CGNL1: variants seen among roughly 807,000 people sequenced by gnomAD.
The protein encoded by CGNL1 is cingulin-like protein 1.
CGNL1 carries 132 observed loss-of-function variants against 141.2 expected under a neutral mutation model. The observed-to-expected ratio is 0.93, with a 90% CI of 0.81 to 1.08. The LOEUF is 1.08. CGNL1 is among the 50% of genes least tolerant of loss of function. The pLI, the probability that CGNL1 is intolerant of heterozygous loss-of-function variation, is 0.00. For missense variants in CGNL1, 1,870 were observed against 1,588.6 expected, an observed-to-expected ratio of 1.18 and a Z score of -3.01; for synonymous variants, 690 against 622.1, an observed-to-expected ratio of 1.11 and a Z score of -1.63.
rs115499994 is a variant in CGNL1, at chr15:57,485,921, C to T, written c.2403+24029C>T. Among the ~76,000 whole-genome samples the T allele has an allele frequency of 9.0e-4, 137 of 152,294 alleles. 1 individual carries two copies. The highest frequency in any genetic ancestry group is 3.2e-3 in the African/African-American group (131 of 41,556). ...ATTTCTTTCTTCTGGTGCCCAGTCT[C>T]ACTAACCTCTCCTAATAGTCTAGCA... On this transcript the variant is annotated intron_variant, in intron 8 of 18. Coordinates refer to ENST00000281282, the MANE Select transcript of CGNL1 (RefSeq NM_032866.5).
chr15:57,440,086 AAAT>A (rs2063166015), intron 2 of CGNL1, among the ~76,000 whole-genome samples: 2 of 149,396 alleles, frequency 1.3e-5, no homozygotes, highest in African/African-American at 4.9e-5. Context: ...TAACAATAAA[AAAT>A]AATGATATTG....
At chr15:57,535,509 G>A (rs1346602497) in intron 14 of CGNL1, among the ~76,000 whole-genome samples, 1 of 152,186 alleles carries the variant, frequency 6.6e-6, no homozygotes, top group African/African-American at 2.4e-5. Flanking sequence ...AAACCAAGGG[G>A]ATTGGGAATG....
rs148664687 is a variant in CGNL1 at position 57,424,387 on chromosome 15, A to G, written c.-15-13598A>G. Among the ~76,000 whole-genome samples, 4 of 152,182 alleles carry G rather than the reference A, an allele frequency of 2.6e-5. No homozygotes were observed. In the East Asian group the frequency reaches 7.7e-4, roughly 29 times the overall value. On this transcript the variant is annotated intron_variant, in intron 1 of 18. Coordinates refer to ENST00000281282, the MANE Select transcript of CGNL1 (RefSeq NM_032866.5). Reference sequence around the variant, plus strand: ...CCCCAGTTCATTTTCTTACCATGCTATGTGAGTTTCTTATTCATCCTCACT... The same window carrying G: ...CCCCAGTTCATTTTCTTACCATGCTGTGTGAGTTTCTTATTCATCCTCACT...
intron 1 of CGNL1, among the ~76,000 whole-genome samples, chr15:57,400,717 T>C (rs2062650772): frequency 6.6e-6 from 1 of 151,860 alleles, no homozygotes; most frequent in African/African-American, 2.4e-5. Flanking sequence ...ACCCTGTCTC[T>C]ACTAAAAATA....
intron 8 of CGNL1, among the ~76,000 whole-genome samples, chr15:57,492,414 A>G (rs1485382914): frequency 6.6e-6 from 1 of 152,216 alleles, no homozygotes; most frequent in Non-Finnish European, 1.5e-5. Flanking sequence ...TTGCAAGGAA[A>G]CTTTGTGAGC....
chr15:57,502,925 A>T (rs1407627169), intron 8 of CGNL1, among the ~76,000 whole-genome samples: 4 of 151,826 alleles, frequency 2.6e-5, no homozygotes, highest in African/African-American at 9.7e-5. Context: ...CAAGACACCC[A>T]CTCCTGCTCA....
chr15:57,446,164 G>A (rs1180860075), intron 4 of CGNL1, among the ~76,000 whole-genome samples: 8 of 152,150 alleles, frequency 5.3e-5, no homozygotes, highest in African/African-American at 1.4e-4. Flanking sequence ...GTATAACTTA[G>A]CAAACAGATA....
chr15:57,397,847 A>T (rs1375726874), intron 1 of CGNL1, among the ~76,000 whole-genome samples: 1 of 149,884 alleles, frequency 6.7e-6, no homozygotes, highest in Non-Finnish European at 1.5e-5. Flanking sequence ...CAGTGGTGTG[A>T]TCTCAGCTCA....
intron 1 of CGNL1, among the ~76,000 whole-genome samples, chr15:57,414,228 T>C (rs573127841): frequency 1.3e-5 from 2 of 152,238 alleles, no homozygotes; most frequent in Non-Finnish European, 2.9e-5. Context: ...CCTTCATCCT[T>C]TGGGCTCCCT....
chr15:57,522,321 G>A (rs1333370703), intron 10 of CGNL1, among the ~76,000 whole-genome samples: 1 of 152,236 alleles, frequency 6.6e-6, no homozygotes, highest in Admixed American at 6.5e-5. Context: ...ATGGTTGGCA[G>A]AGCAGATCTG....
Position 57,419,877 on chromosome 15 carries a change from C to G in CGNL1, c.-15-18108C>G, listed in dbSNP as rs563527019. Reference sequence around the variant, plus strand: ...AGTGAGGAGTTATGTTCCCTGTCCTCTGGGGCAGGTTATCTAAATAAATTA... The same window carrying G: ...AGTGAGGAGTTATGTTCCCTGTCCTGTGGGGCAGGTTATCTAAATAAATTA... On this transcript the variant is annotated intron_variant, in intron 1 of 18. Coordinates refer to ENST00000281282, the MANE Select transcript of CGNL1 (RefSeq NM_032866.5). Among the ~76,000 whole-genome samples, 51 of 152,320 alleles carry G rather than the reference C, an allele frequency of 3.3e-4. 1 individual carries two copies. The highest frequency in any genetic ancestry group is 1.1e-3 in the African/African-American group (44 of 41,564).
chr15:57,538,466 CT>C (rs147110784), intron 14 of CGNL1, among the ~76,000 whole-genome samples: 16,290 of 152,156 alleles, frequency 0.11, 1,446 homozygotes, highest in East Asian at 0.45. Context: ...TAAATAATTC[CT>C]TTTTTTGCCC....
intron 13 of CGNL1, 46 bp from the exon 14 acceptor site, chr15:57,531,644 C>T (rs199723227): frequency 1.6e-5 from 20 of 1,254,140 alleles, no homozygotes; most frequent in African/African-American, 2.9e-5. Flanking sequence ...CTGTTAATCC[C>T]GGTCAGTGCA....
At chr15:57,389,733 G>A (rs569309123) in intron 1 of CGNL1, among the ~76,000 whole-genome samples, 54 of 152,310 alleles carry the variant, frequency 3.5e-4, no homozygotes, top group African/African-American at 1.3e-3. Flanking sequence ...GGCAAACTTA[G>A]TTATATTTGC....
rs1420413430 is a variant in CGNL1, at chr15:57,429,946, G to C, written c.-15-8039G>C. Among the ~76,000 whole-genome samples the C allele has an allele frequency of 3.3e-5, 5 of 152,224 alleles. No homozygotes were observed. The East Asian group carries it at 9.7e-4, about 29-fold the overall frequency. ...CTATCTCAGCCGCCTGAGTAGCTGGGACTACAGGTGCGCACCACCACACTC... is the reference window on the plus strand; with the variant it reads ...CTATCTCAGCCGCCTGAGTAGCTGGCACTACAGGTGCGCACCACCACACTC... On this transcript the variant is annotated intron_variant, in intron 1 of 18. Transcript: ENST00000281282.
rs1424793067 is a variant in CGNL1, at chr15:57,430,101, G to A, written c.-15-7884G>A. On this transcript the variant is annotated intron_variant, in intron 1 of 18. Coordinates refer to ENST00000281282, the MANE Select transcript of CGNL1 (RefSeq NM_032866.5). ...GCTGGGGTGACTGGCGTGAGCCACTGCCCGGCTGATCTTCGTCATTTCATT... is the reference window on the plus strand; with the variant it reads ...GCTGGGGTGACTGGCGTGAGCCACTACCCGGCTGATCTTCGTCATTTCATT... Among the ~76,000 whole-genome samples the A allele has an allele frequency of 2.0e-5, 3 of 152,300 alleles. No individual in the cohort carries two copies. The East Asian group carries it at 5.8e-4, about 29-fold the overall frequency.
At chr15:57,468,304 G>C (rs1429819570) in intron 8 of CGNL1, among the ~76,000 whole-genome samples, 1 of 126,774 alleles carries the variant, frequency 7.9e-6, no homozygotes, top group Non-Finnish European at 1.5e-5. Context: ...GCAGTGGCAC[G>C]ATCTCAGCTC....
chr15:57,448,161 A>AT (rs1406086538), intron 4 of CGNL1, among the ~76,000 whole-genome samples: 1 of 152,038 alleles, frequency 6.6e-6, no homozygotes, highest in African/African-American at 2.4e-5. Context: ...ATATTTAAAA[A>AT]TTGCCAGGCA....
intron 1 of CGNL1, among the ~76,000 whole-genome samples, chr15:57,419,965 G>A (rs1218060458): frequency 1.3e-5 from 2 of 152,198 alleles, no homozygotes; most frequent in East Asian, 3.8e-4. Flanking sequence ...TTAGTTATAA[G>A]TGTGGATTCA....
Sources: allele counts gnomAD v4.1 joint callset (sites outside exome capture counted in the v4.1 genomes callset), GRCh38; gene constraint gnomAD v4.1.1; transcripts MANE v1.5; gene names NCBI Gene and HGNC (gene_info 2026-07-23, HGNC 2026-07-21).